The following EPHB1 variants were observed in gnomAD, a reference collection of about 807,000 sequenced individuals.
EPHB1 encodes ephrin type-B receptor 1.
EPHB1 carries 30 observed loss-of-function variants against 94.4 expected under a neutral mutation model. That is an observed-to-expected ratio of 0.32 (90% CI 0.24 to 0.43). The LOEUF (loss-of-function observed/expected upper bound fraction) is 0.43. Ranked by LOEUF, EPHB1 falls within the 20% of genes least tolerant of loss-of-function variation. The pLI, the probability that EPHB1 is intolerant of heterozygous loss-of-function variation, is 1.00. For missense variants in EPHB1, 1,055 were observed against 1,308.3 expected (o/e 0.81, Z 2.99); for synonymous variants, 522 against 489.1 (o/e 1.07, Z -0.89).
chr3:135,249,140 A>C (rs905678990), intron 14 of EPHB1, among the ~76,000 whole-genome samples, 196 bp from the exon 15 acceptor site: 2 of 152,182 alleles, frequency 1.3e-5, no homozygotes, highest in Admixed American at 6.5e-5. Context: ...CCAGAGGCAG[A>C]GACACTGGCC....
rs566917247 is a variant in EPHB1, at chr3:135,077,297, G to A, written c.806-29151G>A. ...TCTGCAGGAGTGGCAGTCTTGGGCA[G>A]CATCAGCTTACAATATCCTGCTCCC... On this transcript the variant is annotated intron_variant, in intron 3 of 15. Transcript: ENST00000398015. 2.6e-5 allele frequency among the ~76,000 whole-genome samples: 4 copies of A among 152,312 alleles called. No homozygotes were observed. In the South Asian group the frequency reaches 8.3e-4, roughly 32 times the overall value.
chr3:135,037,953 C>G (rs770255120), intron 3 of EPHB1, among the ~76,000 whole-genome samples: 2 of 152,200 alleles, frequency 1.3e-5, no homozygotes, highest in Non-Finnish European at 2.9e-5. Flanking sequence ...AGGCTCTACC[C>G]TTTTCTTATC....
At position 135,039,637 on chromosome 3, in the gene EPHB1, T is replaced by G. The variant is rs143495182; in HGVS notation, c.806-66811T>G. Among the ~76,000 whole-genome samples, 1,178 of 152,210 alleles carry G rather than the reference T, an allele frequency of 7.7e-3. 11 individuals carry two copies. Among genetic ancestry groups the G allele is most frequent in the African/African-American group, 0.022 (911 of 41,562 alleles). On this transcript the variant is annotated intron_variant, in intron 3 of 15. Coordinates refer to ENST00000398015, the MANE Select transcript of EPHB1 (RefSeq NM_004441.5). ...AGCGCCAGTGGGCCGGCACTGCTGG[T>G]GGACTCAGTACACCCTCCGCAGCCA...
chr3:135,058,220 C>G (rs1048494942), intron 3 of EPHB1, among the ~76,000 whole-genome samples: 9 of 152,226 alleles, frequency 5.9e-5, no homozygotes, highest in Non-Finnish European at 1.3e-4. Flanking sequence ...CTGTCTCCCT[C>G]ATTCCTCTGC....
intron 4 of EPHB1, among the ~76,000 whole-genome samples, chr3:135,108,692 G>A (rs948785509): frequency 4.6e-5 from 7 of 152,174 alleles, no homozygotes; most frequent in East Asian, 1.9e-4. Flanking sequence ...GTCTCTGGAC[G>A]ACTAGCTCCC....
rs1942646012 is a variant in EPHB1 at position 135,197,208 on chromosome 3, G to GT, written c.2131-4266_2131-4265insT. Among the ~76,000 whole-genome samples, 5 of 152,256 alleles carry GT rather than the reference G, an allele frequency of 3.3e-5. No homozygotes were observed. In the South Asian group the frequency reaches 1.0e-3, roughly 32 times the overall value. ...ACATGGTTCTTGACATGCGCCATAAGGCCTTCTTGCCTAAAGCTTGGCTTT... is the reference window on the plus strand; with the variant it reads ...ACATGGTTCTTGACATGCGCCATAAGTGCCTTCTTGCCTAAAGCTTGGCTTT... On this transcript the variant is annotated intron_variant, in intron 11 of 15. Transcript: ENST00000398015.
chr3:135,103,164 C>T (rs984734971), intron 3 of EPHB1, among the ~76,000 whole-genome samples: 1 of 151,984 alleles, frequency 6.6e-6, no homozygotes, highest in African/African-American at 2.4e-5. Flanking sequence ...AAAAAAAAAT[C>T]TTTAATAAAT....
At chr3:134,829,308 T>G (rs1483258087) in intron 1 of EPHB1, among the ~76,000 whole-genome samples, 1 of 152,160 alleles carries the variant, frequency 6.6e-6, no homozygotes, top group Non-Finnish European at 1.5e-5. Flanking sequence ...ACCCAAATCA[T>G]GAGAGTTTCC....
At chr3:134,824,906 G>A (rs1445248102) in intron 1 of EPHB1, among the ~76,000 whole-genome samples, 1 of 152,148 alleles carries the variant, frequency 6.6e-6, no homozygotes, top group East Asian at 1.9e-4. Context: ...CAGTAGTAGA[G>A]GCTTTGGATG....
intron 3 of EPHB1, among the ~76,000 whole-genome samples, chr3:135,050,844 A>C (rs1937148730): frequency 6.6e-6 from 1 of 152,038 alleles, no homozygotes; most frequent in Admixed American, 6.5e-5. Context: ...CTGAGGCCTC[A>C]CCAGAAGCAG....
intron 10 of EPHB1, among the ~76,000 whole-genome samples, chr3:135,181,670 A>G (rs1437517697): frequency 6.6e-6 from 1 of 152,132 alleles, no homozygotes; most frequent in Non-Finnish European, 1.5e-5. Flanking sequence ...AGCACACATC[A>G]GCCCCACCCC....
chr3:135,188,111 A>G (rs1328873462), intron 10 of EPHB1, among the ~76,000 whole-genome samples: 2 of 151,970 alleles, frequency 1.3e-5, no homozygotes, highest in Non-Finnish European at 2.9e-5. Flanking sequence ...AGGCAGGAGA[A>G]TCTCTTGAAC....
chr3:134,948,304 T>C (rs1241260735), intron 2 of EPHB1, among the ~76,000 whole-genome samples: 3 of 149,128 alleles, frequency 2.0e-5, no homozygotes, highest in African/African-American at 7.6e-5. Flanking sequence ...CATGAGACTG[T>C]TGTGTTTCAA....
intron 3 of EPHB1, among the ~76,000 whole-genome samples, chr3:134,958,413 AGTGTGTGT>A (rs3067407): frequency 0.014 from 1,363 of 97,720 alleles, 16 homozygotes; most frequent in African/African-American, 0.042. Flanking sequence ...AACACAAGGG[AGTGTGTGT>A]GTGTGTGTGT....
chr3:134,933,779 C>T (rs2038947557), intron 2 of EPHB1, among the ~76,000 whole-genome samples: 1 of 152,198 alleles, frequency 6.6e-6, no homozygotes, highest in Non-Finnish European at 1.5e-5. Context: ...AAATGCTACC[C>T]ATCGTGGTAT....
intron 11 of EPHB1, among the ~76,000 whole-genome samples, chr3:135,199,731 A>G (rs368318730): frequency 2.0e-5 from 3 of 152,214 alleles, no homozygotes; most frequent in Admixed American, 6.5e-5. Flanking sequence ...CAGGCTTGCA[A>G]TCTTGCATGA....
intron 3 of EPHB1, among the ~76,000 whole-genome samples, chr3:135,058,472 C>G (rs1290495997): frequency 6.6e-6 from 1 of 152,176 alleles, no homozygotes; most frequent in Non-Finnish European, 1.5e-5. Flanking sequence ...TTCCAGATCT[C>G]AAGGTTACTG....
intron 3 of EPHB1, among the ~76,000 whole-genome samples, chr3:135,076,243 A>ATATATATG (rs1193200846): frequency 2.8e-5 from 1 of 35,114 alleles, no homozygotes; most frequent in East Asian, 2.8e-4. Flanking sequence ...GGATATATAT[A>ATATATATG]TATATATATA....
intron 11 of EPHB1, among the ~76,000 whole-genome samples, chr3:135,200,195 G>T (rs1942718632): frequency 6.6e-6 from 1 of 152,230 alleles, no homozygotes; most frequent in Non-Finnish European, 1.5e-5. Context: ...ATAGCTTAGG[G>T]TCTACTGATT....
Sources: gnomAD v4.1 joint callset for allele counts (sites outside exome capture counted in the v4.1 genomes callset) on GRCh38, gnomAD v4.1.1 for gene constraint, MANE v1.5 for transcripts, NCBI Gene and HGNC (gene_info 2026-07-23, HGNC 2026-07-21) for gene names.